The following LRIF1 variants were observed in gnomAD, a reference collection of about 807,000 sequenced individuals.
LRIF1 encodes ligand dependent nuclear receptor interacting factor 1.
In LRIF1, 32 loss-of-function variants were observed where a neutral mutation model predicts 52.7. That is an observed-to-expected ratio of 0.61 (90% CI 0.46 to 0.82). LRIF1 has a LOEUF of 0.82. Among genes scored for constraint, LRIF1 ranks in the 40% least tolerant of loss-of-function variants. The pLI, the probability that LRIF1 is intolerant of heterozygous loss-of-function variation, is 0.00. For missense variants in LRIF1, 887 were observed against 892.0 expected, an observed-to-expected ratio of 0.99 and a Z score of 0.07; for synonymous variants, 323 against 317.4, an observed-to-expected ratio of 1.02 and a Z score of -0.19.
At chr1:110,902,472 T>A in the LRIF1 span, among the ~76,000 whole-genome samples, 1 of 74,508 alleles carries the variant, frequency 1.3e-5, no homozygotes, top group East Asian at 4.1e-4. Context: ...CTTACAGTGA[T>A]CAAATCGAAC....
intron 2 of LRIF1, among the ~76,000 whole-genome samples, chr1:110,950,562 T>C (rs904049805): frequency 6.6e-6 from 1 of 152,132 alleles, no homozygotes; most frequent in Non-Finnish European, 1.5e-5. Context: ...GCTGACATTA[T>C]TGAGTAGACC....
chr1:110,896,819 A>G, the LRIF1 span: 2 of 1,140,704 alleles, frequency 1.8e-6, no homozygotes, highest in Non-Finnish European at 2.6e-6. Context: ...GAGGACCTAG[A>G]CCTTCTATTG....
Position 110,951,775 on chromosome 1 carries a change from T to A in LRIF1, c.1109A>T (p.Lys370Met), listed in dbSNP as rs747040412. The A allele has an allele frequency of 6.2e-6, 10 of 1,612,424 alleles. No homozygotes were observed. Among genetic ancestry groups the A allele is most frequent in the Non-Finnish European group, 8.5e-6 (10 of 1,179,978 alleles). The change falls in exon 2 of 4, where the codon AAG becomes ATG. Residue 370 changes from lysine to methionine, a missense_variant. Physicochemically the swap from Lys to Met is moderately conservative, Grantham distance 95 (BLOSUM62 -1). Coordinates refer to ENST00000369763, the MANE Select transcript of LRIF1 (RefSeq NM_018372.4). ...FNGKVYLLAK[K>M]GTDVLPSQID... ...TTGTGATGGCAGAACATCTGTCCCCTTTTTAGCCAACAGATAGACTTTCCC... is the reference window on the plus strand; with the variant it reads ...TTGTGATGGCAGAACATCTGTCCCCATTTTAGCCAACAGATAGACTTTCCC...
intron 1 of LRIF1, among the ~76,000 whole-genome samples, chr1:110,959,567 T>C (rs1465254668): frequency 1.3e-5 from 2 of 151,646 alleles, no homozygotes; most frequent in Non-Finnish European, 2.9e-5. Context: ...CTGGCCAACA[T>C]GGTGAAACCC....
the LRIF1 span, chr1:110,897,842 T>A: frequency 2.5e-6 from 4 of 1,612,600 alleles, no homozygotes; most frequent in East Asian, 8.9e-5. Context: ...GTGGTTTCAT[T>A]CCAATTTCCT....
chr1:110,916,173 A>G, the LRIF1 span, among the ~76,000 whole-genome samples: 3 of 152,320 alleles, frequency 2.0e-5, no homozygotes, highest in Non-Finnish European at 2.9e-5. Context: ...GAAACCAGAA[A>G]AAAATGAAGA....
chr1:110,952,735 T>G lies in LRIF1; in HGVS notation c.149A>C (p.Lys50Thr). 6.2e-7 allele frequency: 1 copy of G among 1,613,830 alleles called. No individual in the cohort carries two copies. The highest frequency in any genetic ancestry group is 8.5e-7 in the Non-Finnish European group (1 of 1,179,836). The change falls in exon 2 of 4, where the codon AAG becomes ACG. Residue 50 changes from lysine (K) to threonine (T), a missense_variant. Physicochemically the swap from Lys to Thr is moderately conservative, Grantham distance 78. Coordinates refer to ENST00000369763, the MANE Select transcript of LRIF1 (RefSeq NM_018372.4). The part of the protein sequence containing the change: ...KNLLQLLPIP[K>T]SSGNLIPLVQ... ...TAGTGGTATAAGATTTCCAGAAGAC[T>G]TAGGAATTGGAAGTAATTGCAGAAG... is the stretch of plus-strand genomic sequence containing the variant.
At chr1:110,875,450 A>G in the LRIF1 span, among the ~76,000 whole-genome samples, 2 of 152,220 alleles carry the variant, frequency 1.3e-5, no homozygotes, top group African/African-American at 4.8e-5. Context: ...ATTTTCACTT[A>G]GAGCAGAAGG....
chr1:110,904,805 G>C, the LRIF1 span, among the ~76,000 whole-genome samples: 1 of 152,246 alleles, frequency 6.6e-6, no homozygotes, highest in East Asian at 1.9e-4. Flanking sequence ...GAAGGCAGCA[G>C]GGGCCAATCC....
chr1:110,930,113 T>C, the LRIF1 span, among the ~76,000 whole-genome samples: 4 of 152,102 alleles, frequency 2.6e-5, no homozygotes, highest in African/African-American at 2.4e-5. Context: ...GTGTTCTTTT[T>C]CTGTCTGGCA....
chr1:110,962,321 A>G (rs1658995128), intron 1 of LRIF1, among the ~76,000 whole-genome samples: 1 of 152,116 alleles, frequency 6.6e-6, no homozygotes, highest in African/African-American at 2.4e-5. Context: ...AAAAAGAAAA[A>G]AACACACAAG....
rs773742909 is a variant in LRIF1, at chr1:110,952,291, G to A, written c.593C>T (p.Ala198Val). 2.5e-6 allele frequency: 4 copies of A among 1,614,044 alleles called. No homozygotes were observed. The highest frequency in any genetic ancestry group is 8.5e-7 in the Non-Finnish European group (1 of 1,180,018). Residue 198 changes from alanine (A) to valine (V), a missense_variant, in exon 2 of 4, where the codon GCG (alanine) becomes GTG (valine). By Grantham distance (64) the Ala-to-Val change is moderately conservative (BLOSUM62 0). Transcript: ENST00000369763. ...PAHAEVKSVP[A>V]SSLPPSVQQK... ...CTGCACTGAAGGAGGCAATGATGAC[G>A]CTGGTACAGATTTCACTTCAGCATG...
chr1:110,929,911 A>C, the LRIF1 span, among the ~76,000 whole-genome samples: 1 of 152,192 alleles, frequency 6.6e-6, no homozygotes, highest in Non-Finnish European at 1.5e-5. Context: ...ATTAGGTACT[A>C]GTCTCAGCAC....
chr1:110,926,694 T>C, the LRIF1 span, among the ~76,000 whole-genome samples: 2 of 152,106 alleles, frequency 1.3e-5, no homozygotes, highest in East Asian at 3.9e-4. Context: ...ATGTATCAAT[T>C]ACCTCTGCAT....
chr1:110,902,612 T>C, the LRIF1 span, among the ~76,000 whole-genome samples: 11 of 147,836 alleles, frequency 7.4e-5, no homozygotes, highest in Non-Finnish European at 1.6e-4. Context: ...ACGTCTGAAA[T>C]ACAAGAAGGA....
chr1:110,922,262 A>G, the LRIF1 span, among the ~76,000 whole-genome samples: 1 of 152,178 alleles, frequency 6.6e-6, no homozygotes, highest in Non-Finnish European at 1.5e-5. Context: ...TGAATTGATT[A>G]ATGCCATTAT....
At chr1:110,962,572 CATTTAA>C (rs1452531317) in intron 1 of LRIF1, among the ~76,000 whole-genome samples, 1 of 150,850 alleles carries the variant, frequency 6.6e-6, no homozygotes, top group Non-Finnish European at 1.5e-5. Context: ...TAATAGTTAA[CATTTAA>C]ATTGTGCTTT....
the LRIF1 span, chr1:110,894,367 C>T: frequency 1.2e-6 from 2 of 1,613,890 alleles, no homozygotes; most frequent in Non-Finnish European, 1.7e-6. Context: ...GCTGAGGTGA[C>T]CTTGGCCATC....
chr1:110,879,711 T>G, the LRIF1 span, among the ~76,000 whole-genome samples: 1 of 152,126 alleles, frequency 6.6e-6, no homozygotes, highest in African/African-American at 2.4e-5. Context: ...GAAGAACTGA[T>G]AGAGGTTCTT....
Sources: gnomAD v4.1 joint callset for allele counts (sites outside exome capture counted in the v4.1 genomes callset) on GRCh38, gnomAD v4.1.1 for gene constraint, MANE v1.5 for transcripts, NCBI Gene and HGNC (gene_info 2026-07-23, HGNC 2026-07-21) for gene names.